The following ST6GALNAC3 variants were observed in gnomAD, a reference collection of about 807,000 sequenced individuals.
The protein encoded by ST6GALNAC3 is ST6 N-acetylgalactosaminide alpha-2,6-sialyltransferase 3, also known as alpha-N-acetylgalactosaminide alpha-2,6-sialyltransferase 3.
In ST6GALNAC3, 25 loss-of-function variants were observed where a neutral mutation model predicts 32.7. That is an observed-to-expected ratio of 0.76 (90% confidence interval 0.56 to 1.07). The LOEUF (loss-of-function observed/expected upper bound fraction) is 1.07. ST6GALNAC3 is among the 50% of genes least tolerant of loss of function. The probability of loss-of-function intolerance (pLI) is 0.00; values close to 1 mark genes in which losing one functional copy is unlikely to be tolerated. For missense variants in ST6GALNAC3, 355 were observed against 382.4 expected (o/e 0.93, Z 0.60); for synonymous variants, 129 against 133.1 (o/e 0.97, Z 0.21).
At chr1:76,170,260 C>T (rs959448606) in intron 1 of ST6GALNAC3, among the ~76,000 whole-genome samples, 25 of 152,094 alleles carry the variant, frequency 1.6e-4, no homozygotes, top group Non-Finnish European at 3.5e-4. Flanking sequence ...TAGCAGGTGT[C>T]GGGGTGCCTG....
intron 3 of ST6GALNAC3, among the ~76,000 whole-genome samples, chr1:76,605,327 A>G (rs1052367114): frequency 9.9e-5 from 15 of 152,244 alleles, no homozygotes; most frequent in Non-Finnish European, 1.9e-4. Context: ...CTGCTTCTGA[A>G]CTAGTGGTGA....
chr1:76,523,833 T>A (rs1445206429), intron 3 of ST6GALNAC3, among the ~76,000 whole-genome samples: 1 of 152,188 alleles, frequency 6.6e-6, no homozygotes, highest in Non-Finnish European at 1.5e-5. Context: ...TCCAATTTTT[T>A]GACTCCAATC....
chr1:76,090,700 T>C (rs1373224006), intron 1 of ST6GALNAC3, among the ~76,000 whole-genome samples: 1 of 152,180 alleles, frequency 6.6e-6, no homozygotes, highest in African/African-American at 2.4e-5. Context: ...TACTCTAGGG[T>C]CTTTTCAGGC....
At chr1:76,408,314 A>G (rs1284167843) in intron 2 of ST6GALNAC3, among the ~76,000 whole-genome samples, 1 of 152,174 alleles carries the variant, frequency 6.6e-6, no homozygotes, top group Non-Finnish European at 1.5e-5. Flanking sequence ...ACCCAGAAGT[A>G]TAGACCAAGA....
chr1:76,404,289 G>A lies in ST6GALNAC3; in HGVS notation c.214-7719G>A, dbSNP rs149087204. ...AAGCTGCATTCACTGGAAGATGCTG[G>A]TTTGTGGAGGGGCAAGGAAGTACAT... On this transcript the variant is annotated intron_variant, in intron 2 of 4. Transcript: ENST00000328299. 4.7e-3 allele frequency among the ~76,000 whole-genome samples: 711 copies of A among 152,152 alleles called. 1 individual carries two copies. Among genetic ancestry groups the A allele is most frequent in the Admixed American group, 5.0e-3 (76 of 15,262 alleles).
intron 3 of ST6GALNAC3, among the ~76,000 whole-genome samples, chr1:76,484,282 G>A (rs1659946746): frequency 6.6e-6 from 1 of 152,138 alleles, no homozygotes; most frequent in African/African-American, 2.4e-5. Context: ...GCTTAATGGG[G>A]ATGGCATTGA....
chr1:76,079,271 G>A (rs370450749), intron 1 of ST6GALNAC3, among the ~76,000 whole-genome samples: 2 of 152,246 alleles, frequency 1.3e-5, no homozygotes, highest in South Asian at 2.1e-4. Flanking sequence ...TTGATCATTA[G>A]TGAAGTTAAG....
At chr1:76,187,537 A>G (rs1653631765) in intron 1 of ST6GALNAC3, among the ~76,000 whole-genome samples, 1 of 152,188 alleles carries the variant, frequency 6.6e-6, no homozygotes. Context: ...TCAGGCAGCT[A>G]TGTTTACTAC....
At chr1:76,290,813 G>A (rs1227749355) in intron 1 of ST6GALNAC3, among the ~76,000 whole-genome samples, 2 of 152,174 alleles carry the variant, frequency 1.3e-5, no homozygotes, top group Non-Finnish European at 2.9e-5. Context: ...TGTAGATGAT[G>A]GATCAGCTGC....
At chr1:76,256,073 C>G (rs1657905019) in intron 1 of ST6GALNAC3, among the ~76,000 whole-genome samples, 3 of 150,564 alleles carry the variant, frequency 2.0e-5, no homozygotes, top group South Asian at 4.2e-4. Flanking sequence ...AGCCCCAAGT[C>G]TAACTTGGCA....
chr1:76,381,671 T>A (rs148469506), intron 2 of ST6GALNAC3, among the ~76,000 whole-genome samples: 1 of 152,246 alleles, frequency 6.6e-6, no homozygotes, highest in East Asian at 1.9e-4. Context: ...ATGGGACCTC[T>A]GTGGGTTGTT....
chr1:76,193,073 G>C (rs1431470221), intron 1 of ST6GALNAC3, among the ~76,000 whole-genome samples: 1 of 152,098 alleles, frequency 6.6e-6, no homozygotes, highest in Non-Finnish European at 1.5e-5. Context: ...ATAAAAACTA[G>C]AAACAAGCTT....
chr1:76,169,642 TTTG>T (rs1308742059), intron 1 of ST6GALNAC3, among the ~76,000 whole-genome samples: 21 of 152,176 alleles, frequency 1.4e-4, no homozygotes, highest in East Asian at 5.8e-4. Flanking sequence ...TCTCAGACAT[TTTG>T]TTCATTCATT....
intron 3 of ST6GALNAC3, among the ~76,000 whole-genome samples, chr1:76,458,003 T>C (rs1657972555): frequency 1.4e-5 from 2 of 148,066 alleles, no homozygotes; most frequent in East Asian, 2.0e-4. Context: ...AGGGCTAATA[T>C]CCAGAATCTA....
chr1:76,233,478 T>C (rs768856874), intron 1 of ST6GALNAC3, among the ~76,000 whole-genome samples: 8 of 152,232 alleles, frequency 5.3e-5, no homozygotes, highest in Non-Finnish European at 1.0e-4. Context: ...CCTAGGTATC[T>C]CTACAGGACA....
intron 3 of ST6GALNAC3, among the ~76,000 whole-genome samples, chr1:76,558,344 G>T (rs1248421728): frequency 6.6e-6 from 1 of 152,078 alleles, no homozygotes; most frequent in African/African-American, 2.4e-5. Flanking sequence ...AATTAACCTA[G>T]ATGCCTATCA....
chr1:76,219,201 C>A (rs529145405), intron 1 of ST6GALNAC3, among the ~76,000 whole-genome samples: 4 of 152,180 alleles, frequency 2.6e-5, no homozygotes, highest in Non-Finnish European at 5.9e-5. Flanking sequence ...CAGTTTGGTT[C>A]CCTGCATATA....
intron 3 of ST6GALNAC3, among the ~76,000 whole-genome samples, chr1:76,468,261 A>T (rs1658781443): frequency 6.6e-6 from 1 of 151,974 alleles, no homozygotes; most frequent in Non-Finnish European, 1.5e-5. Flanking sequence ...AAAGACCCCC[A>T]CTTAGATACT....
intron 3 of ST6GALNAC3, among the ~76,000 whole-genome samples, chr1:76,463,411 T>G (rs554467859): frequency 6.6e-6 from 1 of 152,286 alleles, no homozygotes; most frequent in African/African-American, 2.4e-5. Flanking sequence ...ATAAGACAGT[T>G]TTGACTTCAC....
Sources: allele counts gnomAD v4.1 joint callset (sites outside exome capture counted in the v4.1 genomes callset), GRCh38; gene constraint gnomAD v4.1.1; transcripts MANE v1.5; gene names NCBI Gene and HGNC (gene_info 2026-07-23, HGNC 2026-07-21).